RORA: variants seen among roughly 807,000 people sequenced by gnomAD.
RORA encodes the protein RAR related orphan receptor A, also known as nuclear receptor ROR-alpha.
RORA carries 7 observed loss-of-function variants against 69.5 expected under a neutral mutation model. That is an observed-to-expected ratio of 0.10 (90% confidence interval 0.06 to 0.19). RORA has a LOEUF of 0.19. Among genes scored for constraint, RORA ranks in the 10% least tolerant of loss-of-function variants. The pLI is 1.00. For synonymous variants in RORA, 261 were observed against 240.8 expected (o/e 1.08, Z -0.78); for missense variants, 457 against 663.0 (o/e 0.69, Z 3.41).
intron 1 of RORA, among the ~76,000 whole-genome samples, chr15:60,702,479 G>A (rs1474580707): frequency 4.6e-5 from 7 of 152,122 alleles, no homozygotes; most frequent in African/African-American, 1.2e-4. Flanking sequence ...TGATCCGCCC[G>A]CCTCGGCCTC....
intron 1 of RORA, chr15:60,765,403 C>G (rs1047626416): frequency 6.6e-6 from 1 of 152,008 alleles, no homozygotes; most frequent in African/African-American, 2.4e-5. Flanking sequence ...CTACTTGTTC[C>G]TAAGTATTGC....
At position 60,489,825 on chromosome 15, in the gene RORA, G is replaced by A. The variant is rs527420319; in HGVS notation, c.*7630C>T. Reference sequence around the variant, plus strand: ...AGCTAAGAATACAACTGTGTTAGGTGCCAGTAATACAATTCCTTAATAAGA... The same window carrying A: ...AGCTAAGAATACAACTGTGTTAGGTACCAGTAATACAATTCCTTAATAAGA... On this transcript the variant is annotated 3_prime_UTR_variant, in exon 11 of 11. Coordinates refer to ENST00000335670, the MANE Select transcript of RORA (RefSeq NM_134261.3). The A allele has an allele frequency of 2.6e-5, 4 of 152,168 alleles. No homozygotes were observed. The East Asian group carries it at 7.7e-4, about 29-fold the overall frequency. 9.4% of individuals were successfully genotyped at this position (152,168 alleles called of 1,614,324 possible). A position where few individuals can be genotyped will look rare whatever the true frequency, so the allele number is the denominator to read the frequency against.
At chr15:61,148,416 C>A (rs2079369637) in intron 1 of RORA, among the ~76,000 whole-genome samples, 1 of 152,126 alleles carries the variant, frequency 6.6e-6, no homozygotes, top group African/African-American at 2.4e-5. Context: ...ATTAAATGGT[C>A]CACTAGACTA....
At chr15:60,546,864 A>G (rs1567077053) in intron 2 of RORA, among the ~76,000 whole-genome samples, 1 of 152,200 alleles carries the variant, frequency 6.6e-6, no homozygotes, top group African/African-American at 2.4e-5. Context: ...CTATCAGATT[A>G]TGACAATGAA....
At chr15:60,792,173 G>GT (rs1490397361) in intron 1 of RORA, among the ~76,000 whole-genome samples, 1 of 152,150 alleles carries the variant, frequency 6.6e-6, no homozygotes, top group African/African-American at 2.4e-5. Flanking sequence ...AAATACTACT[G>GT]TATGGGCTTA....
intron 1 of RORA, among the ~76,000 whole-genome samples, chr15:60,841,398 G>T (rs148729421): frequency 6.6e-6 from 1 of 152,182 alleles, no homozygotes; most frequent in Non-Finnish European, 1.5e-5. Flanking sequence ...CCAGCAGCTC[G>T]CCTGGCAGTG....
intron 1 of RORA, among the ~76,000 whole-genome samples, chr15:61,227,054 C>T (rs2080151695): frequency 6.6e-6 from 1 of 152,084 alleles, no homozygotes; most frequent in Non-Finnish European, 1.5e-5. Flanking sequence ...GTCGGCTCTG[C>T]AGCCTGCCAC....
At chr15:60,972,518 G>A (rs912746210) in intron 1 of RORA, among the ~76,000 whole-genome samples, 6 of 152,136 alleles carry the variant, frequency 3.9e-5, no homozygotes, top group Non-Finnish European at 7.3e-5. Context: ...TATGAGTATG[G>A]CTGAGTGTTC....
At chr15:60,875,976 T>C (rs2073609422) in intron 1 of RORA, among the ~76,000 whole-genome samples, 1 of 152,160 alleles carries the variant, frequency 6.6e-6, no homozygotes, top group Non-Finnish European at 1.5e-5. Flanking sequence ...TTGTTTCACT[T>C]AAGGATCAGG....
chr15:61,206,716 T>C (rs1298984687), intron 1 of RORA, among the ~76,000 whole-genome samples: 1 of 152,126 alleles, frequency 6.6e-6, no homozygotes, highest in Non-Finnish European at 1.5e-5. Context: ...TGGATGCAGT[T>C]TGCTCATCCT....
chr15:60,665,558 CCTAATA>C (rs1286293137), intron 2 of RORA, among the ~76,000 whole-genome samples: 2 of 152,110 alleles, frequency 1.3e-5, no homozygotes, highest in Non-Finnish European at 2.9e-5. Flanking sequence ...AAAATTTAGC[CCTAATA>C]CTGAGACTCA....
At chr15:61,079,766 T>A (rs554172098) in intron 1 of RORA, among the ~76,000 whole-genome samples, 82 of 152,306 alleles carry the variant, frequency 5.4e-4, no homozygotes, top group African/African-American at 1.9e-3. Flanking sequence ...ATGAGCTGGC[T>A]AGGGAGTTTT....
chr15:61,023,300 G>C lies in RORA; in HGVS notation c.166+205753C>G, dbSNP rs544551532. ...AAAAAGAGGTTTAATTGGACTTACA[G>C]TTCCACATGGCTGGGAGGCCTCAGA... On this transcript the variant is annotated intron_variant, in intron 1 of 10. Coordinates refer to ENST00000335670, the MANE Select transcript of RORA (RefSeq NM_134261.3). Among the ~76,000 whole-genome samples the C allele has an allele frequency of 1.6e-3, 249 of 151,620 alleles. 1 individual carries two copies. The highest frequency in any genetic ancestry group is 5.9e-3 in the African/African-American group (243 of 41,314).
chr15:60,558,314 G>C lies in RORA; in HGVS notation c.197-26463C>G, dbSNP rs201789449. On this transcript the variant is annotated intron_variant, in intron 2 of 10. Coordinates refer to ENST00000335670, the MANE Select transcript of RORA (RefSeq NM_134261.3). The stretch of plus-strand genomic sequence containing the variant: ...ATCCCAAAAAGTTCATCCCTGGAAC[G>C]AAAATGATAGCCTATCTCAAAAAAG... The C allele has an allele frequency of 6.3e-7, 1 of 1,592,058 alleles. No homozygotes were observed. Among genetic ancestry groups the C allele is most frequent in the African/African-American group, 1.3e-5 (1 of 74,542 alleles).
chr15:60,770,937 A>G (rs1008532599), intron 1 of RORA, among the ~76,000 whole-genome samples: 4 of 152,236 alleles, frequency 2.6e-5, no homozygotes, highest in African/African-American at 9.6e-5. Context: ...TGAATTTCAG[A>G]TAAGCACCAA....
At chr15:61,172,907 G>A (rs939825554) in intron 1 of RORA, among the ~76,000 whole-genome samples, 1 of 152,136 alleles carries the variant, frequency 6.6e-6, no homozygotes, top group Non-Finnish European at 1.5e-5. Flanking sequence ...CCTTTGAGAA[G>A]CCTCTGCAAG....
At chr15:60,695,348 G>C (rs919888125) in intron 1 of RORA, among the ~76,000 whole-genome samples, 1 of 152,044 alleles carries the variant, frequency 6.6e-6, no homozygotes, top group African/African-American at 2.4e-5. Flanking sequence ...TTTCGTCTTT[G>C]TCACTTGAGA....
At chr15:61,082,215 G>T (rs556607126) in intron 1 of RORA, among the ~76,000 whole-genome samples, 1 of 152,094 alleles carries the variant, frequency 6.6e-6, no homozygotes, top group Non-Finnish European at 1.5e-5. Flanking sequence ...TTGGCCGGGC[G>T]CAGTGGCTCA....
chr15:61,145,191 C>T (rs1343083764), intron 1 of RORA, among the ~76,000 whole-genome samples: 1 of 152,180 alleles, frequency 6.6e-6, no homozygotes, highest in Admixed American at 6.5e-5. Flanking sequence ...GCATAGCAAA[C>T]TACACCAATT....
Sources: gnomAD v4.1 joint callset for allele counts (sites outside exome capture counted in the v4.1 genomes callset) on GRCh38, gnomAD v4.1.1 for gene constraint, MANE v1.5 for transcripts, NCBI Gene and HGNC (gene_info 2026-07-23, HGNC 2026-07-21) for gene names.